The following ZNF385B variants were observed in gnomAD, a reference collection of about 807,000 sequenced individuals.
ZNF385B encodes zinc finger protein 533.
ZNF385B carries 23 observed loss-of-function variants against 39.2 expected under a neutral mutation model. The ratio of observed to expected loss-of-function variants is 0.59; its 90% CI spans 0.42 to 0.83. The LOEUF is 0.83. Among genes scored for constraint, ZNF385B ranks in the 40% least tolerant of loss-of-function variants. The pLI, the probability that ZNF385B is intolerant of heterozygous loss-of-function variation, is 0.00. For missense variants in ZNF385B, 552 were observed against 598.9 expected (o/e 0.92, Z 0.82); for synonymous variants, 205 against 222.6 (o/e 0.92, Z 0.70).
At chr2:179,833,079 G>A (rs1043495123) in intron 1 of ZNF385B, among the ~76,000 whole-genome samples, 6 of 152,094 alleles carry the variant, frequency 3.9e-5, no homozygotes, top group Non-Finnish European at 7.4e-5. Context: ...AAAAGTGTGT[G>A]TATGTACATG....
chr2:179,775,338 A>G (rs1047711915), intron 1 of ZNF385B, among the ~76,000 whole-genome samples: 1 of 152,230 alleles, frequency 6.6e-6, no homozygotes, highest in Non-Finnish European at 1.5e-5. Flanking sequence ...AAAAATAAAA[A>G]GCTTGTAATA....
intron 1 of ZNF385B, among the ~76,000 whole-genome samples, chr2:179,818,909 A>C (rs564038453): frequency 1.8e-4 from 27 of 152,222 alleles, no homozygotes; most frequent in Non-Finnish European, 4.0e-4. Flanking sequence ...GCCAGTTCCA[A>C]TGGCCTCTTC....
intron 3 of ZNF385B, among the ~76,000 whole-genome samples, chr2:179,761,092 ATC>A (rs149505417): frequency 1.1e-4 from 16 of 150,192 alleles, no homozygotes; most frequent in East Asian, 2.0e-4. Flanking sequence ...AGTCTTTTTC[ATC>A]TCTCTCTCTC....
intron 3 of ZNF385B, among the ~76,000 whole-genome samples, chr2:179,732,184 T>C (rs536879627): frequency 6.6e-6 from 1 of 152,324 alleles, no homozygotes; most frequent in African/African-American, 2.4e-5. Context: ...CAAAGAAAGA[T>C]GGAAATTCAC....
At chr2:179,814,428 CT>C in intron 1 of ZNF385B, 1 of 442,778 alleles carries the variant, frequency 2.3e-6, no homozygotes. Context: ...AGTTATTTTT[CT>C]TGTGAATATT....
intron 1 of ZNF385B, among the ~76,000 whole-genome samples, chr2:179,836,770 G>A (rs998557092): frequency 1.3e-5 from 2 of 151,810 alleles, no homozygotes; most frequent in Non-Finnish European, 2.9e-5. Flanking sequence ...CACCCGCCTC[G>A]GCCTCCCAAA....
chr2:179,756,816 G>C (rs1033728928), intron 3 of ZNF385B, among the ~76,000 whole-genome samples: 1 of 152,104 alleles, frequency 6.6e-6, no homozygotes, highest in Non-Finnish European at 1.5e-5. Context: ...AGCTCCATCA[G>C]GTCATTTAAG....
intron 1 of ZNF385B, 105 bp from the exon 2 acceptor site, chr2:179,770,777 G>A (rs181248188): frequency 2.2e-4 from 33 of 152,202 alleles, no homozygotes; most frequent in African/African-American, 4.6e-4. Context: ...TGTTTTCTTC[G>A]TTTGTTTAGA....
chr2:179,519,867 C>A (rs868291288), intron 4 of ZNF385B, among the ~76,000 whole-genome samples: 1 of 152,038 alleles, frequency 6.6e-6, no homozygotes, highest in African/African-American at 2.4e-5. Flanking sequence ...TATAAATCGA[C>A]AAAATGCAAA....
chr2:179,679,598 ATTATTGTTGTTGTTGTTGTTG>A (rs1459124179), intron 3 of ZNF385B, among the ~76,000 whole-genome samples: 7 of 106,846 alleles, frequency 6.6e-5, no homozygotes, highest in South Asian at 7.2e-4. Context: ...ATTAACAGCT[ATTATTGTTGTTGTTGTTGTTG>A]TTGTTGTTGT....
chr2:179,668,381 C>T (rs1176391306), intron 3 of ZNF385B, among the ~76,000 whole-genome samples: 1 of 152,078 alleles, frequency 6.6e-6, no homozygotes, highest in African/African-American at 2.4e-5. Context: ...TTTGCCATGC[C>T]CTCATATTCT....
At chr2:179,613,448 C>A (rs1322912202) in intron 3 of ZNF385B, among the ~76,000 whole-genome samples, 1 of 152,134 alleles carries the variant, frequency 6.6e-6, no homozygotes, top group Non-Finnish European at 1.5e-5. Context: ...TATTCAGGGC[C>A]CAAGGGCTCT....
At chr2:179,625,409 C>T (rs1690570794) in intron 3 of ZNF385B, among the ~76,000 whole-genome samples, 1 of 151,632 alleles carries the variant, frequency 6.6e-6, no homozygotes, top group Non-Finnish European at 1.5e-5. Flanking sequence ...TATATATTTA[C>T]ATATGTATAT....
intron 3 of ZNF385B, chr2:179,576,113 T>C (rs1448027073): frequency 4.1e-6 from 4 of 984,890 alleles, no homozygotes; most frequent in Middle Eastern, 5.2e-4. Flanking sequence ...TACCAGGTCT[T>C]ACATGTGTAA....
At chr2:179,493,794 C>CATATGTGTATATACATATATGTATAT (rs1559338627) in intron 5 of ZNF385B, among the ~76,000 whole-genome samples, 4 of 97,368 alleles carry the variant, frequency 4.1e-5, no homozygotes, top group Admixed American at 1.0e-4. Context: ...CATATGTATA[C>CATATGTGTATATACATATATGTATAT]ATATATGTAT....
intron 3 of ZNF385B, among the ~76,000 whole-genome samples, chr2:179,649,798 C>T (rs1693047260): frequency 6.6e-6 from 1 of 151,878 alleles, no homozygotes; most frequent in Non-Finnish European, 1.5e-5. Context: ...GAAAGTTTTG[C>T]TTTTTGTTAC....
chr2:179,442,167 G>A lies in ZNF385B; in HGVS notation c.*1083C>T, dbSNP rs575852411. On this transcript the variant is annotated 3_prime_UTR_variant, in exon 10 of 10. Transcript: ENST00000410066. ...GATATCGGCTTAGAAAGGGGGGCAT[G>A]GGAGCATGACCTGCAATATATTCAG... 2 of 152,712 alleles carry A rather than the reference G, an allele frequency of 1.3e-5. No homozygotes were observed. The highest frequency in any genetic ancestry group is 3.9e-4 in the East Asian group (2 of 5,182). The allele number at this position is 152,712 out of a possible 1,614,324, so 9.5% of individuals were successfully genotyped here. A position where few individuals can be genotyped will look rare whatever the true frequency, so the allele number is the denominator to read the frequency against.
At chr2:179,744,587 G>A (rs1272560702) in intron 3 of ZNF385B, among the ~76,000 whole-genome samples, 1 of 152,074 alleles carries the variant, frequency 6.6e-6, no homozygotes, top group Non-Finnish European at 1.5e-5. Context: ...ACGTGTACTG[G>A]CAGTAAAAGA....
intron 1 of ZNF385B, among the ~76,000 whole-genome samples, chr2:179,826,236 G>A (rs1161567489): frequency 1.3e-5 from 2 of 152,168 alleles, no homozygotes; most frequent in African/African-American, 2.4e-5. Flanking sequence ...GAAACTTTTC[G>A]AAAGGTATCG....
Sources: allele counts gnomAD v4.1 joint callset (sites outside exome capture counted in the v4.1 genomes callset), GRCh38; gene constraint gnomAD v4.1.1; transcripts MANE v1.5; gene names NCBI Gene and HGNC (gene_info 2026-07-23, HGNC 2026-07-21).